Variants in IQGAP2 observed in about 807,000 individuals in gnomAD.
IQGAP2 encodes the protein IQ motif containing GTPase activating protein 2.
In IQGAP2, 173 loss-of-function variants were observed where a neutral mutation model predicts 201.3. The observed-to-expected ratio is 0.86, with a 90% confidence interval of 0.76 to 0.98. The LOEUF is 0.98. Among genes scored for constraint, IQGAP2 ranks in the 50% least tolerant of loss-of-function variants. IQGAP2 has a pLI of 0.00. For synonymous variants in IQGAP2, 675 were observed against 673.9 expected, an observed-to-expected ratio of 1.00 and a Z score of -0.03; for missense variants, 1,687 against 1,864.8, an observed-to-expected ratio of 0.90 and a Z score of 1.76.
At chr5:76,511,517 T>G (rs898709472) in intron 2 of IQGAP2, among the ~76,000 whole-genome samples, 1 of 152,160 alleles carries the variant, frequency 6.6e-6, no homozygotes, top group African/African-American at 2.4e-5. Flanking sequence ...CCTGTAGCTG[T>G]GAAGAAAGTT....
At chr5:76,640,269 G>A (rs1468994881) in intron 16 of IQGAP2, among the ~76,000 whole-genome samples, 1 of 152,138 alleles carries the variant, frequency 6.6e-6, no homozygotes, top group African/African-American at 2.4e-5. Flanking sequence ...GTCATCAGCT[G>A]TAGAAGTGAC....
chr5:76,522,866 G>C (rs1344101681), intron 2 of IQGAP2, among the ~76,000 whole-genome samples: 1 of 152,026 alleles, frequency 6.6e-6, no homozygotes, highest in Non-Finnish European at 1.5e-5. Flanking sequence ...TTTTGGAATC[G>C]ATCTTTTTAA....
intron 5 of IQGAP2, among the ~76,000 whole-genome samples, chr5:76,585,892 AT>A (rs1179917026): frequency 6.6e-6 from 1 of 152,154 alleles, no homozygotes; most frequent in East Asian, 1.9e-4. Context: ...TGCCTGTTAA[AT>A]TCTGTTTAAT....
At chr5:76,662,419 A>G (rs901561662) in intron 21 of IQGAP2, among the ~76,000 whole-genome samples, 1 of 152,212 alleles carries the variant, frequency 6.6e-6, no homozygotes, top group Non-Finnish European at 1.5e-5. Flanking sequence ...TCTCATCTGT[A>G]TATGGCAAAA....
chr5:76,592,562 T>TA (rs140426251), intron 8 of IQGAP2, among the ~76,000 whole-genome samples: 24,057 of 152,038 alleles, frequency 0.16, 2,067 homozygotes, highest in Admixed American at 0.28. Context: ...GTTTTTGATC[T>TA]AAAAAAAGGG....
chr5:76,460,995 C>T (rs565060578), intron 1 of IQGAP2, among the ~76,000 whole-genome samples: 10 of 151,432 alleles, frequency 6.6e-5, no homozygotes, highest in African/African-American at 1.9e-4. Flanking sequence ...TCTCTTGCCT[C>T]AGCCTCCCAA....
intron 13 of IQGAP2, among the ~76,000 whole-genome samples, chr5:76,620,129 ATGATT>A (rs1190100674): frequency 2.6e-5 from 4 of 152,180 alleles, no homozygotes; most frequent in Non-Finnish European, 5.9e-5. Context: ...TCAGTTTGTA[ATGATT>A]TGATATAGCA....
Position 76,418,273 on chromosome 5 carries a change from G to A in IQGAP2, c.46+14682G>A, listed in dbSNP as rs184947308. 1.7e-3 allele frequency among the ~76,000 whole-genome samples: 253 copies of A among 151,148 alleles called. No homozygotes were observed. The Middle Eastern group carries it at 0.017, about 10-fold the overall frequency. On this transcript the variant is annotated intron_variant, in intron 1 of 35. Coordinates refer to ENST00000274364, the MANE Select transcript of IQGAP2 (RefSeq NM_006633.5). ...TTGAAAGGCAACATTTTGCATTTTG[G>A]TAGCACTATCTTTGAGACGTAACTT...
chr5:76,533,880 A>G (rs113423425), intron 2 of IQGAP2, among the ~76,000 whole-genome samples: 2,330 of 152,200 alleles, frequency 0.015, 51 homozygotes, highest in African/African-American at 0.052. Context: ...TTGATTTGTA[A>G]TTCTTTATAT....
intron 35 of IQGAP2, 101 bp downstream of exon 35, chr5:76,702,691 A>AGAAAACCAGTGCAGCCTTATTTGCC: frequency 1.7e-6 from 1 of 603,516 alleles, no homozygotes; most frequent in South Asian, 2.3e-5. Flanking sequence ...AAAGTTTAAC[A>AGAAAACCAGTGCAGCCTTATTTGCC]GAAAACCAGT....
At chr5:76,520,478 A>C (rs1224696501) in intron 2 of IQGAP2, among the ~76,000 whole-genome samples, 1 of 152,136 alleles carries the variant, frequency 6.6e-6, no homozygotes, top group Non-Finnish European at 1.5e-5. Flanking sequence ...AGTAAGTCTT[A>C]AAACTGGGTA....
At chr5:76,706,745 A>C (rs527576491) in intron 35 of IQGAP2, among the ~76,000 whole-genome samples, 1 of 152,338 alleles carries the variant, frequency 6.6e-6, no homozygotes, top group Non-Finnish European at 1.5e-5. Context: ...CATTAACTTA[A>C]TGATCATCAT....
chr5:76,643,051 T>C (rs1751722359), intron 17 of IQGAP2, among the ~76,000 whole-genome samples: 1 of 152,186 alleles, frequency 6.6e-6, no homozygotes, highest in South Asian at 2.1e-4. Flanking sequence ...ACAAAAAAGA[T>C]TTTATATCAG....
chr5:76,649,947 G>C (rs909418979), intron 17 of IQGAP2, among the ~76,000 whole-genome samples: 5 of 152,212 alleles, frequency 3.3e-5, no homozygotes, highest in Non-Finnish European at 7.3e-5. Flanking sequence ...AGGCACTAAG[G>C]CTTACAGCTT....
chr5:76,585,916 A>G (rs1322068852), intron 5 of IQGAP2, among the ~76,000 whole-genome samples: 1 of 152,136 alleles, frequency 6.6e-6, no homozygotes, highest in Non-Finnish European at 1.5e-5. Flanking sequence ...TGTCGTTCCC[A>G]TTACTAGAAA....
At chr5:76,630,919 A>G (rs936870468) in intron 14 of IQGAP2, among the ~76,000 whole-genome samples, 1 of 152,130 alleles carries the variant, frequency 6.6e-6, no homozygotes, top group Non-Finnish European at 1.5e-5. Flanking sequence ...TTGAAAGTCA[A>G]TCTCTGTTTT....
chr5:76,538,063 A>G (rs1759725817), intron 2 of IQGAP2, among the ~76,000 whole-genome samples: 1 of 152,228 alleles, frequency 6.6e-6, no homozygotes, highest in South Asian at 2.1e-4. Context: ...AAGAGGTTTA[A>G]CAGACTCACA....
chr5:76,451,646 G>T (rs1046049680), intron 1 of IQGAP2, among the ~76,000 whole-genome samples: 3 of 152,190 alleles, frequency 2.0e-5, no homozygotes, highest in Non-Finnish European at 4.4e-5. Context: ...AGTTCAGATA[G>T]ATCAGTTAGA....
In IQGAP2 at chr5:76,683,807, C is replaced by A; in HGVS notation, c.3795C>A (p.Asn1265Lys). 1 of 1,613,192 alleles carries A rather than the reference C, an allele frequency of 6.2e-7. No homozygotes were observed. The highest frequency in any genetic ancestry group is 8.5e-7 in the Non-Finnish European group (1 of 1,179,562). The change falls in exon 30 of 36, where the codon AAC (asparagine) becomes AAA (lysine). Residue 1265 changes from asparagine (N) to lysine (K), a missense_variant. By Grantham distance (94) the Asn-to-Lys change is moderately conservative. Transcript: ENST00000274364. ...GEGAVDPNDP[N>K]KANTLSQLSK... ...GAGCAGTTGACCCCAATGACCCTAA[C>A]AAGGCAAATACACTAAGTCAGCTTT... is the stretch of plus-strand genomic sequence containing the variant.
Sources: gnomAD v4.1 joint callset for allele counts (sites outside exome capture counted in the v4.1 genomes callset) on GRCh38, gnomAD v4.1.1 for gene constraint, MANE v1.5 for transcripts, NCBI Gene and HGNC (gene_info 2026-07-23, HGNC 2026-07-21) for gene names.